The following KDM5B variants were observed in gnomAD, a reference collection of about 807,000 sequenced individuals.
KDM5B encodes lysine-specific demethylase 5B.
In KDM5B, 144 loss-of-function variants were observed where a neutral mutation model predicts 193.4. That is an observed-to-expected ratio of 0.74 (90% CI 0.65 to 0.86). The LOEUF is 0.86. Among genes scored for constraint, KDM5B ranks in the 40% least tolerant of loss-of-function variants. The pLI is 0.00. For missense variants in KDM5B, 1,833 were observed against 1,886.9 expected (o/e 0.97, Z 0.53); for synonymous variants, 668 against 682.6 (o/e 0.98, Z 0.33).
intron 20 of KDM5B, among the ~76,000 whole-genome samples, chr1:202,736,763 T>TC (rs1286651125): frequency 6.6e-6 from 1 of 151,898 alleles, no homozygotes; most frequent in African/African-American, 2.4e-5. Flanking sequence ...TGCCTCAGCC[T>TC]CCCGGGTAGC....
intron 1 of KDM5B, among the ~76,000 whole-genome samples, chr1:202,779,414 G>A (rs973174165): frequency 2.0e-5 from 3 of 151,698 alleles, no homozygotes. Flanking sequence ...GGGAGGCGGA[G>A]TTTGCAGTGA....
chr1:202,733,677 C>T lies in KDM5B; in HGVS notation c.3633G>A (p.Gln1211=). 1 of 1,614,138 alleles carries T rather than the reference C, an allele frequency of 6.2e-7. No homozygotes were observed. The highest frequency in any genetic ancestry group is 8.5e-7 in the Non-Finnish European group (1 of 1,180,026). ...TSCVAVPSIS[Q]GLRIWLCPHC... ...GGGGACAAAGCCAGATTCGCAGGCC[C>T]TGTGAAATACTGGGTACCGCCACAC... is the stretch of plus-strand genomic sequence containing the variant. Residue 1211 remains glutamine (Q), a synonymous_variant, in exon 23 of 27, where the codon CAG becomes CAA. Coordinates refer to ENST00000367265, the MANE Select transcript of KDM5B (RefSeq NM_006618.5).
At chr1:202,755,837 C>T (rs1356878329) in intron 10 of KDM5B, among the ~76,000 whole-genome samples, 3 of 152,054 alleles carry the variant, frequency 2.0e-5, no homozygotes, top group African/African-American at 7.2e-5. Context: ...AAGGGAACTT[C>T]TGGGGTGCTG....
intron 1 of KDM5B, among the ~76,000 whole-genome samples, chr1:202,794,063 A>T (rs1371744804): frequency 6.6e-6 from 1 of 152,214 alleles, no homozygotes; most frequent in Non-Finnish European, 1.5e-5. Context: ...TACAAAGTGG[A>T]GGTAATACTC....
intron 5 of KDM5B, chr1:202,766,510 A>T (rs1656465790): frequency 2.3e-6 from 1 of 437,448 alleles, no homozygotes; most frequent in Admixed American, 2.7e-5. Context: ...TGTCTCTAAA[A>T]AAAAAAAAAG....
In KDM5B at chr1:202,745,412, A is replaced by G. The variant is rs532535529; in HGVS notation, c.2323+446T>C. 2.0e-5 allele frequency among the ~76,000 whole-genome samples: 3 copies of G among 152,348 alleles called. No homozygotes were observed. The East Asian group carries it at 5.8e-4, about 29-fold the overall frequency. On this transcript the variant is annotated intron_variant, in intron 16 of 26. Transcript: ENST00000367265. ...GTAGCAGTGACTTTCAAAGGTAATG[A>G]CAAGTGCCAGGGACCTTAACTTTAA...
At position 202,725,488 on chromosome 1, in the gene KDM5B, G is replaced by A. The variant is rs1654643540; in HGVS notation, c.*3548C>T. ...AGCCACATGCAAAGGATTGATGACA[G>A]AGGGGCAAAGAGGGCGAAGCCATCA... is the stretch of plus-strand genomic sequence containing the variant. On this transcript the variant is annotated 3_prime_UTR_variant, in exon 27 of 27. Coordinates refer to ENST00000367265, the MANE Select transcript of KDM5B (RefSeq NM_006618.5). The A allele has an allele frequency of 6.6e-6, 1 of 152,232 alleles. No individual in the cohort carries two copies. Among genetic ancestry groups the A allele is most frequent in the African/African-American group, 2.4e-5 (1 of 41,450 alleles). The allele number at this position is 152,232 out of a possible 1,614,324, so 9.4% of individuals were successfully genotyped here. A position where few individuals can be genotyped will look rare whatever the true frequency, so the allele number is the denominator to read the frequency against.
intron 11 of KDM5B, among the ~76,000 whole-genome samples, chr1:202,753,372 G>A (rs1239453780): frequency 6.6e-6 from 1 of 152,082 alleles, no homozygotes; most frequent in Non-Finnish European, 1.5e-5. Flanking sequence ...GCAGGCACCT[G>A]TAATCCCAGC....
chr1:202,731,001 CAGGA>C lies in KDM5B; in HGVS notation c.4080_4083del (p.Pro1361LysfsTer25). ...AAAGTCTGGTAAAGTTCCTGAATTT[CAGGA>C]AGGGATACCTGGAGCAGCTGGGCTT... On this transcript the variant is annotated frameshift_variant, in exon 25 of 27. Transcript: ENST00000367265. LOFTEE classifies it high-confidence loss of function. 6.2e-7 allele frequency: 1 copy of C among 1,613,846 alleles called. No homozygotes were observed. Among genetic ancestry groups the C allele is most frequent in the Non-Finnish European group, 8.5e-7 (1 of 1,179,810 alleles).
intron 5 of KDM5B, chr1:202,766,378 C>T (rs1377451109): frequency 8.0e-5 from 27 of 337,386 alleles, no homozygotes; most frequent in Admixed American, 3.0e-4. Context: ...TGGTGGCACA[C>T]GCCTGTAGTC....
rs1654638581 is a variant in KDM5B, at chr1:202,725,374, AC to A, written c.*3661del. ...TACTTTATACAAATTCCTACTTTAT[AC>A]AATTTTTTGTTTAGGCAGCTTTTCA... On this transcript the variant is annotated 3_prime_UTR_variant, in exon 27 of 27. Coordinates refer to ENST00000367265, the MANE Select transcript of KDM5B (RefSeq NM_006618.5). 1 of 152,234 alleles carries A rather than the reference AC, an allele frequency of 6.6e-6. No individual in the cohort carries two copies. Among genetic ancestry groups the A allele is most frequent in the African/African-American group, 2.4e-5 (1 of 41,462 alleles). 9.4% of individuals were successfully genotyped at this position (152,234 alleles called of 1,614,324 possible).
At position 202,741,421 on chromosome 1, in the gene KDM5B, A is replaced by C; in HGVS notation, c.2891T>G (p.Leu964Arg). The C allele has an allele frequency of 4.4e-6, 7 of 1,600,410 alleles. No homozygotes were observed. Among genetic ancestry groups the C allele is most frequent in the Non-Finnish European group, 6.0e-6 (7 of 1,172,118 alleles). Residue 964 changes from leucine to arginine, a missense_variant, in exon 19 of 27, where the codon CTG (leucine) becomes CGG (arginine). Around this residue, in one of 3 missense-constraint regions of KDM5B, gnomAD observed 1,379 missense variants for 1,349.6 expected, o/e 1.02. Transcript: ENST00000367265. The stretch of plus-strand genomic sequence containing the variant: ...GTCCCAGTGCTCTGACACTGTGAGC[A>C]GTTCCTGCAGCCGGGCCATAGCTTT... Reference protein sequence around the residue: ...VEKAMARLQELLTVSEHWDDK... With the variant: ...VEKAMARLQERLTVSEHWDDK...
intron 1 of KDM5B, among the ~76,000 whole-genome samples, chr1:202,791,151 T>A (rs1276890713): frequency 1.3e-5 from 2 of 152,222 alleles, no homozygotes; most frequent in African/African-American, 4.8e-5. Context: ...AGCGCTGGTA[T>A]TATCAAATGC....
Position 202,755,402 on chromosome 1 carries a change from C to T in KDM5B, c.1407G>A (p.Gln469=). 2 of 1,614,026 alleles carry T rather than the reference C, an allele frequency of 1.2e-6. No homozygotes were observed. Among genetic ancestry groups the T allele is most frequent in the Non-Finnish European group, 1.7e-6 (2 of 1,179,910 alleles). ...WNLNNMPVME[Q]SVLAHITADI... ...CAGCAGTAATATGTGCAAGGACAGACTGCTCCATCACTGGCATGTTGTTCA... is the reference window on the plus strand; with the variant it reads ...CAGCAGTAATATGTGCAAGGACAGATTGCTCCATCACTGGCATGTTGTTCA... Residue 469 remains glutamine (Q), a synonymous_variant, in exon 11 of 27, where the codon CAG becomes CAA. Coordinates refer to ENST00000367265, the MANE Select transcript of KDM5B (RefSeq NM_006618.5).
intron 1 of KDM5B, among the ~76,000 whole-genome samples, chr1:202,801,668 C>T (rs1658081330): frequency 8.6e-6 from 1 of 116,052 alleles, no homozygotes; most frequent in Non-Finnish European, 2.0e-5. Context: ...AATTTTTCCT[C>T]TTTAATCCCA....
At chr1:202,745,231 C>T (rs1176092470) in intron 16 of KDM5B, among the ~76,000 whole-genome samples, 1 of 152,110 alleles carries the variant, frequency 6.6e-6, no homozygotes. Context: ...GGGTACTAAG[C>T]TTAATACCTG....
chr1:202,726,825 T>C lies in KDM5B; in HGVS notation c.*2211A>G, dbSNP rs983682144. On this transcript the variant is annotated 3_prime_UTR_variant, in exon 27 of 27. Transcript: ENST00000367265. ...ATTAGTAGTGTGATGGTGTACAAGG[T>C]AGGAGGAATACTGTAGGAAAACTGG... 6.6e-6 allele frequency: 1 copy of C among 152,166 alleles called. No homozygotes were observed. The highest frequency in any genetic ancestry group is 1.5e-5 in the Non-Finnish European group (1 of 68,040). The allele number at this position is 152,166 out of a possible 1,614,324, so 9.4% of individuals were successfully genotyped here.
In KDM5B at chr1:202,730,942, G is replaced by C. The variant is rs370258541; in HGVS notation, c.4143C>G (p.Asp1381Glu). 4 of 1,611,946 alleles carry C rather than the reference G, an allele frequency of 2.5e-6. No individual in the cohort carries two copies. Among genetic ancestry groups the C allele is most frequent in the Non-Finnish European group, 3.4e-6 (4 of 1,178,650 alleles). ...LAKPSPAQQT[D>E]RSSPVRPSSE... ...TGCTGGGTCTCACTGGTGAGCTTCGGTCAGTCTGCTGAGCAGGGCTTGGCT... is the reference window on the plus strand; with the variant it reads ...TGCTGGGTCTCACTGGTGAGCTTCGCTCAGTCTGCTGAGCAGGGCTTGGCT... The change falls in exon 25 of 27, where the codon GAC (aspartate) becomes GAG (glutamate). Residue 1381 changes from aspartate to glutamate, a missense_variant. By Grantham distance (45) the Asp-to-Glu change is conservative. Coordinates refer to ENST00000367265, the MANE Select transcript of KDM5B (RefSeq NM_006618.5).
chr1:202,801,496 T>A (rs6427968), intron 1 of KDM5B, among the ~76,000 whole-genome samples: 17,632 of 152,220 alleles, frequency 0.12, 1,087 homozygotes, highest in Middle Eastern at 0.15. Context: ...AGAGACATCT[T>A]TTCTTCATTA....
Sources: gnomAD v4.1 joint callset for allele counts (sites outside exome capture counted in the v4.1 genomes callset) on GRCh38, gnomAD v4.1.1 for gene constraint, gnomAD v4.1.1 regional missense constraint, MANE v1.5 for transcripts, NCBI Gene and HGNC (gene_info 2026-07-23, HGNC 2026-07-21) for gene names.